Variants in NCOA1 observed in about 807,000 individuals in gnomAD.
NCOA1 encodes the protein Hin-2 protein.
Under a neutral mutation model 150.9 loss-of-function variants are expected in NCOA1, and 35 were observed. The observed-to-expected ratio is 0.23, with a 90% CI of 0.18 to 0.31. The LOEUF (loss-of-function observed/expected upper bound fraction) is 0.31. NCOA1 is among the 10% of genes least tolerant of loss of function. NCOA1 has a pLI of 1.00. For synonymous variants in NCOA1, 590 were observed against 630.0 expected (o/e 0.94, Z 0.95); for missense variants, 1,491 against 1,749.3 (o/e 0.85, Z 2.63).
chr2:24,610,240 C>T (rs1668562241), intron 3 of NCOA1, among the ~76,000 whole-genome samples: 1 of 151,348 alleles, frequency 6.6e-6, no homozygotes, highest in Non-Finnish European at 1.5e-5. Flanking sequence ...TCTCCTGCCT[C>T]AGCCTCCCGA....
intron 3 of NCOA1, among the ~76,000 whole-genome samples, chr2:24,589,304 G>T (rs572894750): frequency 6.6e-6 from 1 of 152,112 alleles, no homozygotes; most frequent in African/African-American, 2.4e-5. Flanking sequence ...ATCTTTCCTG[G>T]TGTCACAGAT....
chr2:24,536,219 T>C (rs917899645), intron 1 of NCOA1, among the ~76,000 whole-genome samples: 5 of 152,206 alleles, frequency 3.3e-5, no homozygotes, highest in African/African-American at 4.8e-5. Flanking sequence ...ATCACTGATA[T>C]CCTTTTTTCC....
chr2:24,701,961 G>C (rs1673185266), intron 11 of NCOA1, among the ~76,000 whole-genome samples: 1 of 152,174 alleles, frequency 6.6e-6, no homozygotes, highest in Non-Finnish European at 1.5e-5. Context: ...AGTGAGGCGA[G>C]ATCATGCCAC....
intron 2 of NCOA1, among the ~76,000 whole-genome samples, chr2:24,580,729 C>G (rs1239061071): frequency 6.6e-6 from 1 of 152,084 alleles, no homozygotes; most frequent in Non-Finnish European, 1.5e-5. Flanking sequence ...ATTTTTGTGA[C>G]AGCTGCTTAA....
intron 5 of NCOA1, among the ~76,000 whole-genome samples, chr2:24,662,964 C>T (rs867335211): frequency 4.8e-5 from 7 of 144,742 alleles, no homozygotes; most frequent in Middle Eastern, 3.5e-3. Flanking sequence ...ATTTTTTTTT[C>T]TTTTTTTTTT....
intron 5 of NCOA1, among the ~76,000 whole-genome samples, chr2:24,664,781 T>C (rs900687865): frequency 6.6e-6 from 1 of 152,184 alleles, no homozygotes; most frequent in Admixed American, 6.5e-5. Flanking sequence ...TAGCAACTGA[T>C]CTTCCCCTCT....
chr2:24,534,514 C>G (rs1202136909), intron 1 of NCOA1, among the ~76,000 whole-genome samples: 2 of 151,570 alleles, frequency 1.3e-5, no homozygotes, highest in East Asian at 3.9e-4. Context: ...TTTGCTCTTG[C>G]TTCTCTAGTT....
chr2:24,615,042 T>A (rs1483837407), intron 3 of NCOA1, among the ~76,000 whole-genome samples: 1 of 152,200 alleles, frequency 6.6e-6, no homozygotes, highest in Admixed American at 6.5e-5. Flanking sequence ...AGCAGAATTG[T>A]TATTTGAATC....
intron 7 of NCOA1, among the ~76,000 whole-genome samples, chr2:24,674,292 G>A (rs576664390): frequency 8.7e-5 from 13 of 149,810 alleles, no homozygotes; most frequent in Admixed American, 1.3e-4. Flanking sequence ...TGCAAGCTCC[G>A]CCTCCCCGGT....
chr2:24,749,522 TC>T (rs1238677291), intron 19 of NCOA1, among the ~76,000 whole-genome samples: 1 of 152,142 alleles, frequency 6.6e-6, no homozygotes, highest in East Asian at 1.9e-4. Context: ...CAGTTCCTCT[TC>T]CTACCAGCCA....
chr2:24,726,539 T>G, intron 14 of NCOA1, 50 bp from the exon 15 acceptor site: 2 of 1,162,474 alleles, frequency 1.7e-6, no homozygotes, highest in Non-Finnish European at 2.5e-6. Context: ...AATACCATCA[T>G]TTTATCCTCC....
intron 18 of NCOA1, among the ~76,000 whole-genome samples, chr2:24,739,835 T>C (rs1020707226): frequency 1.3e-5 from 2 of 152,190 alleles, no homozygotes; most frequent in African/African-American, 4.8e-5. Flanking sequence ...AGGAAGCCTC[T>C]GATACGAAAC....
intron 3 of NCOA1, among the ~76,000 whole-genome samples, chr2:24,604,306 C>T (rs1282184939): frequency 6.6e-6 from 1 of 152,224 alleles, no homozygotes; most frequent in Non-Finnish European, 1.5e-5. Flanking sequence ...TCACCAGCTG[C>T]ATTAGCCCCT....
chr2:24,647,770 C>T (rs1251921633), intron 4 of NCOA1, among the ~76,000 whole-genome samples: 1 of 152,002 alleles, frequency 6.6e-6, no homozygotes, highest in Non-Finnish European at 1.5e-5. Context: ...TTACTATTGA[C>T]TTTATAATGT....
At chr2:24,503,078 T>G (rs1663533058) in intron 1 of NCOA1, among the ~76,000 whole-genome samples, 1 of 152,228 alleles carries the variant, frequency 6.6e-6, no homozygotes, top group Admixed American at 6.5e-5. Flanking sequence ...TCATATTGAT[T>G]AAAGCATAAT....
At chr2:24,757,112 A>G (rs531225607) in intron 20 of NCOA1, among the ~76,000 whole-genome samples, 6 of 152,326 alleles carry the variant, frequency 3.9e-5, no homozygotes, top group African/African-American at 7.2e-5. Context: ...AGAAGTGACA[A>G]CAAGCTATAG....
chr2:24,629,807 AACAT>A (rs201438071), intron 3 of NCOA1, among the ~76,000 whole-genome samples: 3,893 of 107,006 alleles, frequency 0.036, 133 homozygotes, highest in African/African-American at 0.042. Context: ...TGTTTTAAGT[AACAT>A]ACATACATAT....
intron 19 of NCOA1, among the ~76,000 whole-genome samples, chr2:24,751,166 A>T (rs995763926): frequency 1.3e-5 from 2 of 150,994 alleles, no homozygotes; most frequent in East Asian, 2.0e-4. Context: ...GGGGTTTCTC[A>T]TGTTGGCCAG....
At chr2:24,502,377 CT>C (rs916599689) in intron 1 of NCOA1, among the ~76,000 whole-genome samples, 1 of 151,976 alleles carries the variant, frequency 6.6e-6, no homozygotes, top group Non-Finnish European at 1.5e-5. Flanking sequence ...CTTAATTATT[CT>C]TTTTTTTCTT....
Sources: gnomAD v4.1 joint callset for allele counts (sites outside exome capture counted in the v4.1 genomes callset) on GRCh38, gnomAD v4.1.1 for gene constraint, MANE v1.5 for transcripts, NCBI Gene and HGNC (gene_info 2026-07-23, HGNC 2026-07-21) for gene names.